The following RAD54B variants were observed in gnomAD, a reference collection of about 807,000 sequenced individuals.
RAD54B encodes the protein RAD54 homolog B, also known as DNA repair and recombination protein RAD54B.
Under a neutral mutation model 95.8 loss-of-function variants are expected in RAD54B, and 78 were observed. The ratio of observed to expected loss-of-function variants is 0.81; its 90% CI spans 0.68 to 0.98. RAD54B has a LOEUF of 0.98. RAD54B is among the 50% of genes least tolerant of loss of function. The pLI, the probability that RAD54B is intolerant of heterozygous loss-of-function variation, is 0.00. For missense variants in RAD54B, 957 were observed against 1,056.6 expected, an observed-to-expected ratio of 0.91 and a Z score of 1.31; for synonymous variants, 328 against 354.9, an observed-to-expected ratio of 0.92 and a Z score of 0.85.
At chr8:94,386,831 C>T (rs1374600148) in intron 11 of RAD54B, among the ~76,000 whole-genome samples, 153 bp downstream of exon 11, 1 of 152,106 alleles carries the variant, frequency 6.6e-6, no homozygotes, top group Non-Finnish European at 1.5e-5. Context: ...TTGTTAATTA[C>T]AAGTTTATGA....
At chr8:94,438,877 A>C (rs1812332930) in intron 3 of RAD54B, among the ~76,000 whole-genome samples, 2 of 152,196 alleles carry the variant, frequency 1.3e-5, no homozygotes, top group African/African-American at 2.4e-5. Flanking sequence ...GGATTACTTG[A>C]GCACATGAGT....
intron 3 of RAD54B, among the ~76,000 whole-genome samples, chr8:94,435,854 AAAACTTTTAATTTT>A (rs1165485900): frequency 6.6e-6 from 1 of 152,140 alleles, no homozygotes; most frequent in Non-Finnish European, 1.5e-5. Context: ...ACAACAACAA[AAAACTTTTAATTTT>A]ATTAAGTAAA....
chr8:94,421,142 T>C (rs1019806502), intron 3 of RAD54B, among the ~76,000 whole-genome samples: 1 of 152,072 alleles, frequency 6.6e-6, no homozygotes, highest in African/African-American at 2.4e-5. Flanking sequence ...CAGTAGTCAT[T>C]CCCCCTAAAC....
chr8:94,415,848 C>T (rs1811649979), intron 3 of RAD54B, among the ~76,000 whole-genome samples: 2 of 151,238 alleles, frequency 1.3e-5, no homozygotes, highest in Admixed American at 6.6e-5. Context: ...GAATGGCAAT[C>T]ATTAAAAAGT....
At chr8:94,384,341 A>T (rs1197033274) in intron 11 of RAD54B, among the ~76,000 whole-genome samples, 1 of 152,210 alleles carries the variant, frequency 6.6e-6, no homozygotes. Flanking sequence ...ATTCTGACAC[A>T]TGCTACAACA....
chr8:94,380,000 T>A, intron 12 of RAD54B, 145 bp downstream of exon 12: 1 of 842,806 alleles, frequency 1.2e-6, no homozygotes, highest in Non-Finnish European at 1.8e-6. Flanking sequence ...ATTAAACAGA[T>A]GGAAAGCACT....
rs550235958 is a variant in RAD54B at position 94,444,343 on chromosome 8, G to C, written c.304+13925C>G. On this transcript the variant is annotated intron_variant, in intron 3 of 14. Transcript: ENST00000336148. Reference sequence around the variant, plus strand: ...AACACATTATGATCTGACAACTCCTGAGAAATACATGCATATGTTCACAAG... The same window carrying C: ...AACACATTATGATCTGACAACTCCTCAGAAATACATGCATATGTTCACAAG... 2.1e-4 allele frequency among the ~76,000 whole-genome samples: 31 copies of C among 149,918 alleles called. 1 individual carries two copies. Among genetic ancestry groups the C allele is most frequent in the African/African-American group, 7.1e-4 (29 of 41,010 alleles).
At chr8:94,429,768 T>A in intron 3 of RAD54B, 1 of 984,934 alleles carries the variant, frequency 1.0e-6, no homozygotes, top group Non-Finnish European at 1.2e-6. Flanking sequence ...TTAAAGAAGT[T>A]AACTCTACCA....
Position 94,380,411 on chromosome 8 carries a change from C to A in RAD54B, c.1986-5G>T. ...TAGTTGGATACCAACACCACCCTGT[C>A]AATCAAAAAGAAAGATTCTTTAGAT... is the stretch of plus-strand genomic sequence containing the variant. On this transcript the variant is annotated splice_region_variant and splice_polypyrimidine_tract_variant and intron_variant, in intron 11 of 14. Transcript: ENST00000336148. 6.4e-7 allele frequency: 1 copy of A among 1,570,412 alleles called. No individual in the cohort carries two copies. The highest frequency in any genetic ancestry group is 1.9e-5 in the Admixed American group (1 of 51,756).
chr8:94,459,266 C>T (rs1239502032), intron 2 of RAD54B, among the ~76,000 whole-genome samples: 1 of 151,814 alleles, frequency 6.6e-6, no homozygotes, highest in African/African-American at 2.4e-5. Flanking sequence ...GATCCTCCCA[C>T]CTCAGCCTCC....
At chr8:94,387,336 G>T in intron 10 of RAD54B, 177 bp from the exon 11 acceptor site, 1 of 527,284 alleles carries the variant, frequency 1.9e-6, no homozygotes. Context: ...AAAGTAACAT[G>T]CCTTCTACTG....
chr8:94,379,246 C>T (rs971052255), intron 12 of RAD54B, among the ~76,000 whole-genome samples: 1 of 152,058 alleles, frequency 6.6e-6, no homozygotes, highest in Non-Finnish European at 1.5e-5. Context: ...TATGGTGGGG[C>T]CTTGGATCAT....
At chr8:94,390,324 AC>A (rs35797877) in intron 10 of RAD54B, among the ~76,000 whole-genome samples, 57,892 of 150,724 alleles carry the variant, frequency 0.38, 11,274 homozygotes, top group Admixed American at 0.5. Context: ...ACATGGTAAA[AC>A]CCCGTCTCTA....
In RAD54B at chr8:94,402,512, C is replaced by T. The variant is rs541188426; in HGVS notation, c.944+1565G>A. ...CAAGTGATCCGCCTGCCTTGGCCTC[C>T]GAAAATGCTGGGATTACAGGTGTAA... On this transcript the variant is annotated intron_variant, in intron 6 of 14. Transcript: ENST00000336148. 3.9e-5 allele frequency among the ~76,000 whole-genome samples: 6 copies of T among 152,222 alleles called. No homozygotes were observed. In the East Asian group the frequency reaches 9.6e-4, roughly 24 times the overall value.
At chr8:94,432,537 G>A (rs1273492251) in intron 3 of RAD54B, 3 of 1,550,398 alleles carry the variant, frequency 1.9e-6, no homozygotes, top group Admixed American at 3.9e-5. Context: ...TAAAACCAGT[G>A]GAGGAGGTGG....
At chr8:94,418,299 A>G (rs1811722599) in intron 3 of RAD54B, among the ~76,000 whole-genome samples, 1 of 152,138 alleles carries the variant, frequency 6.6e-6, no homozygotes, top group Non-Finnish European at 1.5e-5. Context: ...TACCAGTCCA[A>G]TGAATTTAAA....
intron 14 of RAD54B, among the ~76,000 whole-genome samples, chr8:94,377,901 G>A (rs1810633016): frequency 2.1e-5 from 3 of 140,130 alleles, no homozygotes; most frequent in South Asian, 4.7e-4. Flanking sequence ...GCGTGAACCC[G>A]GGAGGCGGAG....
intron 2 of RAD54B, among the ~76,000 whole-genome samples, chr8:94,464,545 T>C (rs1812979915): frequency 1.3e-5 from 2 of 152,216 alleles, no homozygotes; most frequent in African/African-American, 4.8e-5. Flanking sequence ...AGAAAACTGA[T>C]ATTTCAGCAA....
intron 2 of RAD54B, among the ~76,000 whole-genome samples, chr8:94,459,213 C>A (rs990820818): frequency 6.6e-6 from 1 of 151,900 alleles, no homozygotes; most frequent in African/African-American, 2.4e-5. Flanking sequence ...AGTGCAGTGT[C>A]ACGACCATAG....
Sources: allele counts gnomAD v4.1 joint callset (sites outside exome capture counted in the v4.1 genomes callset), GRCh38; gene constraint gnomAD v4.1.1; transcripts MANE v1.5; gene names NCBI Gene and HGNC (gene_info 2026-07-23, HGNC 2026-07-21).